The following CFAP52 variants were observed in gnomAD, a reference collection of about 807,000 sequenced individuals.
CFAP52 encodes cilia and flagella associated protein 52, also known as cilia- and flagella-associated protein 52.
CFAP52 carries 57 observed loss-of-function variants against 70.5 expected under a neutral mutation model. The ratio of observed to expected loss-of-function variants is 0.81; its 90% CI spans 0.65 to 1.01. CFAP52 has a LOEUF of 1.01. Ranked by LOEUF, CFAP52 falls within the 50% of genes least tolerant of loss-of-function variation. The pLI is 0.00. For synonymous variants in CFAP52, 267 were observed against 292.5 expected, an observed-to-expected ratio of 0.91 and a Z score of 0.89; for missense variants, 785 against 788.5, an observed-to-expected ratio of 1.00 and a Z score of 0.05.
chr17:9,597,648 C>CA (rs1243843384), intron 4 of CFAP52: 1 of 152,276 alleles, frequency 6.6e-6, no homozygotes, highest in Non-Finnish European at 1.5e-5. Context: ...ACTAAAAATA[C>CA]AGAAATTAGC....
intron 8 of CFAP52, among the ~76,000 whole-genome samples, chr17:9,628,429 A>G (rs1208834723): frequency 6.6e-6 from 1 of 151,726 alleles, no homozygotes; most frequent in African/African-American, 2.4e-5. Context: ...ACAGGCATGC[A>G]CCACCATACC....
Position 9,586,782 on chromosome 17 carries a change from T to C in CFAP52, c.355T>C (p.Phe119Leu). The change falls in exon 3 of 14, where the codon TTT becomes CTT. Residue 119 changes from phenylalanine (F) to leucine (L), a missense_variant. Physicochemically the swap from Phe to Leu is conservative, Grantham distance 22. Coordinates refer to ENST00000352665, the MANE Select transcript of CFAP52 (RefSeq NM_145054.5). ...LHKGKIEALA[F>L]SPNDLYLVSL... Reference sequence around the variant, plus strand: ...CAAAGGCAAAATTGAAGCTCTGGCCTTTTCTCCAAATGATTTGTACTTGGT... The same window carrying C: ...CAAAGGCAAAATTGAAGCTCTGGCCCTTTCTCCAAATGATTTGTACTTGGT... 6.2e-7 allele frequency: 1 copy of C among 1,613,664 alleles called. No individual in the cohort carries two copies. Among genetic ancestry groups the C allele is most frequent in the Non-Finnish European group, 8.5e-7 (1 of 1,179,864 alleles).
chr17:9,634,720 C>T (rs910392127), intron 10 of CFAP52, among the ~76,000 whole-genome samples: 12 of 151,754 alleles, frequency 7.9e-5, no homozygotes, highest in African/African-American at 2.4e-4. Flanking sequence ...GCCGAGATCG[C>T]GCCATTGCAC....
intron 8 of CFAP52, among the ~76,000 whole-genome samples, chr17:9,613,044 T>C (rs138116556): frequency 2.6e-5 from 4 of 152,242 alleles, no homozygotes; most frequent in African/African-American, 7.2e-5. Context: ...GTAGGTGAAG[T>C]GTATTAAGTG....
intron 11 of CFAP52, among the ~76,000 whole-genome samples, chr17:9,635,948 A>C (rs1334509231): frequency 6.6e-6 from 1 of 151,862 alleles, no homozygotes; most frequent in East Asian, 1.9e-4. Flanking sequence ...TGAGGTGGGC[A>C]GATCACCTGA....
At chr17:9,585,742 A>C in intron 1 of CFAP52, 31 bp from the exon 2 acceptor site, 10 of 1,610,362 alleles carry the variant, frequency 6.2e-6, no homozygotes, top group Non-Finnish European at 8.5e-6. Context: ...TCTGCACCTG[A>C]TTATTATTAC....
chr17:9,639,763 C>G (rs1294627450), intron 12 of CFAP52, among the ~76,000 whole-genome samples: 2 of 152,162 alleles, frequency 1.3e-5, no homozygotes, highest in African/African-American at 4.8e-5. Flanking sequence ...CCTTAAGGAG[C>G]AGCATCTGAG....
chr17:9,586,316 C>A (rs781029748), intron 2 of CFAP52, among the ~76,000 whole-genome samples: 126 of 152,226 alleles, frequency 8.3e-4, no homozygotes, highest in Non-Finnish European at 1.4e-3. Context: ...GTAATCCCAG[C>A]ACTTTGGGAG....
intron 11 of CFAP52, among the ~76,000 whole-genome samples, chr17:9,637,694 C>T (rs973771260): frequency 2.0e-5 from 3 of 152,214 alleles, no homozygotes; most frequent in African/African-American, 7.2e-5. Flanking sequence ...CTTGCCTCAA[C>T]CTCCCAAATA....
intron 6 of CFAP52, among the ~76,000 whole-genome samples, chr17:9,605,582 G>A (rs1909451082): frequency 6.7e-6 from 1 of 150,318 alleles, no homozygotes; most frequent in Non-Finnish European, 1.5e-5. Context: ...TGTAGTTCCA[G>A]CTACTCGGGA....
chr17:9,608,041 T>A (rs1838318443), intron 6 of CFAP52, 78 bp from the exon 7 acceptor site: 1 of 1,128,740 alleles, frequency 8.9e-7, no homozygotes, highest in Non-Finnish European at 1.2e-6. Context: ...ACAGGTGGTA[T>A]TTGGTTACAT....
chr17:9,616,340 A>G (rs1384468853), intron 8 of CFAP52, among the ~76,000 whole-genome samples: 3 of 120,750 alleles, frequency 2.5e-5, no homozygotes, highest in Non-Finnish European at 5.1e-5. Context: ...CCTGGCTCAG[A>G]GGGTCCTACG....
intron 8 of CFAP52, among the ~76,000 whole-genome samples, chr17:9,616,072 T>C (rs1888935272): frequency 1.3e-5 from 2 of 150,858 alleles, no homozygotes; most frequent in Non-Finnish European, 1.5e-5. Context: ...GATTTCTGCA[T>C]TTCCATCTGA....
chr17:9,594,237 G>A lies in CFAP52; in HGVS notation c.452G>A (p.Ser151Asn), dbSNP rs756537922. Residue 151 changes from serine (S) to asparagine (N), a missense_variant, in exon 4 of 14, where the codon AGC (serine) becomes AAC (asparagine). Coordinates refer to ENST00000352665, the MANE Select transcript of CFAP52 (RefSeq NM_145054.5). ...GCCAAGAGAGATGCCATCTGTGGCA[G>A]CCCTGCAGCCGGCCTCAATGTTGGC... ...SIAKRDAICG[S>N]PAAGLNVGNA... The A allele has an allele frequency of 1.2e-6, 2 of 1,613,854 alleles. No individual in the cohort carries two copies. Among genetic ancestry groups the A allele is most frequent in the Non-Finnish European group, 1.7e-6 (2 of 1,179,918 alleles).
At chr17:9,599,618 G>A (rs1319254227) in intron 5 of CFAP52, among the ~76,000 whole-genome samples, 1 of 152,102 alleles carries the variant, frequency 6.6e-6, no homozygotes, top group Non-Finnish European at 1.5e-5. Context: ...TTTGAGCCTG[G>A]GGAAATAGAA....
At chr17:9,616,139 C>A (rs1156591582) in intron 8 of CFAP52, among the ~76,000 whole-genome samples, 1 of 149,222 alleles carries the variant, frequency 6.7e-6, no homozygotes, top group African/African-American at 2.5e-5. Flanking sequence ...CCAGTGTGTG[C>A]GCGCACCGTG....
chr17:9,598,115 A>C, intron 4 of CFAP52, 119 bp from the exon 5 acceptor site: 4 of 713,642 alleles, frequency 5.6e-6, no homozygotes, highest in Non-Finnish European at 4.7e-6. Flanking sequence ...TTCATAGTGC[A>C]CTAGGCCATA....
intron 3 of CFAP52, among the ~76,000 whole-genome samples, chr17:9,591,345 A>G (rs2151931230): frequency 6.6e-6 from 1 of 152,100 alleles, no homozygotes; most frequent in Admixed American, 6.5e-5. Flanking sequence ...GCCTGCATGT[A>G]TCTTTTAAAT....
At chr17:9,622,734 TA>T (rs1158651140) in intron 8 of CFAP52, among the ~76,000 whole-genome samples, 1 of 152,132 alleles carries the variant, frequency 6.6e-6, no homozygotes, top group African/African-American at 2.4e-5. Flanking sequence ...GCAAAATACA[TA>T]AATCATAAAT....
Sources: allele counts gnomAD v4.1 joint callset (sites outside exome capture counted in the v4.1 genomes callset), GRCh38; gene constraint gnomAD v4.1.1; transcripts MANE v1.5; gene names NCBI Gene and HGNC (gene_info 2026-07-23, HGNC 2026-07-21).